IPO11: variants seen among roughly 807,000 people sequenced by gnomAD.
The protein encoded by IPO11 is importin-11.
Under a neutral mutation model 143.2 loss-of-function variants are expected in IPO11, and 66 were observed. The ratio of observed to expected loss-of-function variants is 0.46; its 90% CI spans 0.38 to 0.57. The LOEUF is 0.57. IPO11 is among the 20% of genes least tolerant of loss of function. IPO11 has a pLI of 0.00. For synonymous variants in IPO11, 385 were observed against 377.8 expected, an observed-to-expected ratio of 1.02 and a Z score of -0.22; for missense variants, 1,026 against 1,141.0, an observed-to-expected ratio of 0.90 and a Z score of 1.45.
chr5:62,624,407 A>G (rs985231555), intron 29 of IPO11, among the ~76,000 whole-genome samples: 6 of 152,024 alleles, frequency 3.9e-5, no homozygotes, highest in Non-Finnish European at 8.8e-5. Flanking sequence ...AAATACCACC[A>G]TGGCATTTGT....
intron 20 of IPO11, 93 bp downstream of exon 20, chr5:62,515,594 A>T: frequency 2.9e-6 from 2 of 698,506 alleles, no homozygotes; most frequent in Non-Finnish European, 4.5e-6. Flanking sequence ...ATTTATGTTA[A>T]TGGTAGTGAA....
intron 23 of IPO11, 111 bp from the exon 24 acceptor site, chr5:62,537,098 C>A: frequency 1.5e-6 from 1 of 677,310 alleles, no homozygotes; most frequent in South Asian, 2.3e-5. Flanking sequence ...TATGCTTAGA[C>A]CATTAGTGTA....
chr5:62,619,854 A>G (rs535092019), intron 29 of IPO11, among the ~76,000 whole-genome samples: 2 of 151,590 alleles, frequency 1.3e-5, no homozygotes, highest in South Asian at 4.2e-4. Context: ...GCGAGACTCC[A>G]CCTCAAAAAA....
At chr5:62,555,597 G>A (rs1301038356) in intron 26 of IPO11, among the ~76,000 whole-genome samples, 5 of 151,560 alleles carry the variant, frequency 3.3e-5, no homozygotes, top group Non-Finnish European at 4.4e-5. Context: ...CCCGCCTCCC[G>A]GGTTCACATC....
At position 62,454,890 on chromosome 5, in the gene IPO11, T is replaced by C. The variant is rs922037060; in HGVS notation, c.516+2957T>C. 1.5e-4 allele frequency among the ~76,000 whole-genome samples: 23 copies of C among 152,162 alleles called. 1 individual carries two copies. Among genetic ancestry groups the C allele is most frequent in the Admixed American group, 1.2e-3 (18 of 15,274 alleles). ...ATGCCTGCTGGATTTCAGAGTGATA[T>C]AGGGCAAAACTTCCAAAAGCAGGAT... On this transcript the variant is annotated intron_variant, in intron 5 of 29. Coordinates refer to ENST00000325324, the MANE Select transcript of IPO11 (RefSeq NM_016338.5).
At chr5:62,609,745 T>G (rs1745862826) in intron 29 of IPO11, among the ~76,000 whole-genome samples, 1 of 152,236 alleles carries the variant, frequency 6.6e-6, no homozygotes, top group African/African-American at 2.4e-5. Context: ...GGTGAGGTGA[T>G]GGGCACTTCA....
rs903780840 is a variant in IPO11, at chr5:62,419,269, G to T, written c.-7+6340G>T. 25 of 831,182 alleles carry T rather than the reference G, an allele frequency of 3.0e-5. No individual in the cohort carries two copies. In the Admixed American group the frequency reaches 7.2e-4, roughly 24 times the overall value. 51.5% of individuals were successfully genotyped at this position (831,182 alleles called of 1,614,324 possible). ...ACTGGAAATTGGTTTGGATGAATCA[G>T]TGAGTGAGTGGTGAGTGAAAGTGAA... is the stretch of plus-strand genomic sequence containing the variant. On this transcript the variant is annotated intron_variant, in intron 1 of 29. Coordinates refer to ENST00000325324, the MANE Select transcript of IPO11 (RefSeq NM_016338.5).
rs576633786 is a variant in IPO11, at chr5:62,618,853, A to C, written c.2764-8301A>C. On this transcript the variant is annotated intron_variant, in intron 29 of 29. Transcript: ENST00000325324. ...TTCCCCCCAAAAGCCCCTCTCCTCA[A>C]ATGTTTCTTGCTTGCTCATTGCAAG... Among the ~76,000 whole-genome samples the C allele has an allele frequency of 9.9e-4, 151 of 152,060 alleles. 1 individual carries two copies. Among genetic ancestry groups the C allele is most frequent in the Admixed American group, 9.2e-3 (140 of 15,272 alleles).
rs377119180 is a variant in IPO11, at chr5:62,465,196, C to T, written c.517-1935C>T. Among the ~76,000 whole-genome samples the T allele has an allele frequency of 2.4e-4, 37 of 152,164 alleles. No homozygotes were observed. In the East Asian group the frequency reaches 2.7e-3, roughly 11 times the overall value. On this transcript the variant is annotated intron_variant, in intron 5 of 29. Transcript: ENST00000325324. ...TCTTCTGCGTCTAAATCCTTCTGTT[C>T]GTATTCTTTCACTTTCTTCTGACAA...
At chr5:62,453,638 T>G (rs1745021463) in intron 5 of IPO11, among the ~76,000 whole-genome samples, 1 of 152,190 alleles carries the variant, frequency 6.6e-6, no homozygotes, top group Admixed American at 6.5e-5. Flanking sequence ...AACCTTGAGC[T>G]GTCTTCCATG....
Position 62,535,808 on chromosome 5 carries a change from T to G in IPO11, c.2090-894T>G, listed in dbSNP as rs1007642423. ...TGCCAGAAATTAAGAAAAAATAATT[T>G]GTCTTATTTTGAGTGAATATAATTT... On this transcript the variant is annotated intron_variant, in intron 22 of 29. Coordinates refer to ENST00000325324, the MANE Select transcript of IPO11 (RefSeq NM_016338.5). Among the ~76,000 whole-genome samples, 8 of 152,260 alleles carry G rather than the reference T, an allele frequency of 5.3e-5. No homozygotes were observed. In the East Asian group the frequency reaches 1.5e-3, roughly 29 times the overall value.
chr5:62,430,333 A>G (rs1001565959), intron 1 of IPO11, among the ~76,000 whole-genome samples: 50 of 152,146 alleles, frequency 3.3e-4, no homozygotes, highest in Non-Finnish European at 6.2e-4. Flanking sequence ...ATGCCTCATT[A>G]TCTTCTTTTA....
At chr5:62,551,374 T>C (rs1208609503) in intron 26 of IPO11, 38 bp downstream of exon 26, 2 of 1,087,372 alleles carry the variant, frequency 1.8e-6, no homozygotes, top group East Asian at 4.8e-5. Context: ...GAAGTCTTTA[T>C]CTAAATATAA....
intron 3 of IPO11, among the ~76,000 whole-genome samples, chr5:62,446,135 T>C (rs1231978718): frequency 6.6e-6 from 1 of 152,240 alleles, no homozygotes; most frequent in Non-Finnish European, 1.5e-5. Flanking sequence ...TTATTAACTT[T>C]GAGTAAGTCA....
At chr5:62,518,478 G>C (rs1048232593) in intron 20 of IPO11, among the ~76,000 whole-genome samples, 4 of 151,802 alleles carry the variant, frequency 2.6e-5, no homozygotes, top group African/African-American at 7.3e-5. Context: ...ATTGGGTGTG[G>C]TGGCGCACAC....
At chr5:62,610,143 A>AT (rs1338237212) in intron 29 of IPO11, among the ~76,000 whole-genome samples, 3 of 152,176 alleles carry the variant, frequency 2.0e-5, no homozygotes, top group Non-Finnish European at 1.5e-5. Context: ...TACTGGATAT[A>AT]TTTTATCATA....
chr5:62,624,043 GT>G (rs1218299991), intron 29 of IPO11, among the ~76,000 whole-genome samples: 1 of 144,436 alleles, frequency 6.9e-6, no homozygotes, highest in Non-Finnish European at 1.5e-5. Flanking sequence ...TTTTTGTTTT[GT>G]TTTTTTTGAG....
intron 22 of IPO11, among the ~76,000 whole-genome samples, chr5:62,533,967 A>C (rs1343034315): frequency 6.6e-6 from 1 of 151,660 alleles, no homozygotes; most frequent in Non-Finnish European, 1.5e-5. Flanking sequence ...AAAAAAAAAA[A>C]GAAAGCCACT....
At chr5:62,491,098 TCTA>T (rs560914646) in intron 15 of IPO11, among the ~76,000 whole-genome samples, 4 of 152,236 alleles carry the variant, frequency 2.6e-5, no homozygotes, top group Non-Finnish European at 5.9e-5. Flanking sequence ...AGGATACACT[TCTA>T]CTGATTCACT....
Sources: allele counts gnomAD v4.1 joint callset (sites outside exome capture counted in the v4.1 genomes callset), GRCh38; gene constraint gnomAD v4.1.1; transcripts MANE v1.5; gene names NCBI Gene and HGNC (gene_info 2026-07-23, HGNC 2026-07-21).